Variants in ANPEP observed in about 807,000 individuals in gnomAD.
ANPEP encodes the protein aminopeptidase N.
Under a neutral mutation model 114.6 loss-of-function variants are expected in ANPEP, and 70 were observed. That is an observed-to-expected ratio of 0.61 (90% CI 0.50 to 0.75). The LOEUF (loss-of-function observed/expected upper bound fraction) is 0.75. Ranked by LOEUF, ANPEP falls within the 30% of genes least tolerant of loss-of-function variation. The pLI is 0.00. For synonymous variants in ANPEP, 548 were observed against 522.3 expected (o/e 1.05, Z -0.67); for missense variants, 1,184 against 1,259.5 (o/e 0.94, Z 0.91).
In ANPEP at chr15:89,791,916, G is replaced by T. The variant is rs779023534; in HGVS notation, c.2528+244C>A. On this transcript the variant is annotated intron_variant, in intron 18 of 20. Coordinates refer to ENST00000300060, the MANE Select transcript of ANPEP (RefSeq NM_001150.3). ...TTGACAGAAGGGAAGACGAGTTGTT[G>T]TCAGGTAAAGGCTAAGAGGCCACAG... Among the ~76,000 whole-genome samples, 62 of 152,172 alleles carry T rather than the reference G, an allele frequency of 4.1e-4. 1 individual carries two copies. Among genetic ancestry groups the T allele is most frequent in the Non-Finnish European group, 8.8e-5 (6 of 68,022 alleles).
At chr15:89,814,430 G>A (rs1177876386) in intron 1 of ANPEP, among the ~76,000 whole-genome samples, 5 of 152,106 alleles carry the variant, frequency 3.3e-5, no homozygotes, top group African/African-American at 1.2e-4. Flanking sequence ...TCCACCCGCC[G>A]CAGCTTAGCT....
At chr15:89,804,052 A>C in intron 6 of ANPEP, 50 bp from the exon 7 acceptor site, 2 of 1,597,146 alleles carry the variant, frequency 1.3e-6, no homozygotes, top group East Asian at 2.2e-5. Flanking sequence ...CTGGGCACTG[A>C]GAATCCCCAG....
chr15:89,805,033 G>C, intron 4 of ANPEP, 45 bp downstream of exon 4: 1 of 1,612,174 alleles, frequency 6.2e-7, no homozygotes, highest in Non-Finnish European at 8.5e-7. Flanking sequence ...GACCCCTCAA[G>C]CCGGGGCCAG....
chr15:89,809,836 GTCC>G (rs900671098), intron 1 of ANPEP, among the ~76,000 whole-genome samples: 9 of 152,322 alleles, frequency 5.9e-5, no homozygotes, highest in African/African-American at 1.9e-4. Context: ...CCTCTGGCCT[GTCC>G]TCTTTCTACT....
At chr15:89,804,902 T>G (rs1894677195) in intron 4 of ANPEP, 176 bp downstream of exon 4, 7 of 988,260 alleles carry the variant, frequency 7.1e-6, no homozygotes, top group Non-Finnish European at 8.9e-6. Flanking sequence ...ATTGTTTTCA[T>G]TTTTCAGGTG....
At position 89,800,556 on chromosome 15, in the gene ANPEP, CTTTTTT is replaced by C. The variant is rs759889538; in HGVS notation, c.1819+549_1819+554del. 1.9e-4 allele frequency among the ~76,000 whole-genome samples: 24 copies of C among 124,364 alleles called. 1 individual carries two copies. The highest frequency in any genetic ancestry group is 1.3e-3 in the Admixed American group (16 of 12,200). The allele number at this position is 124,364 out of a possible 152,430, so 81.6% of individuals were successfully genotyped here. The stretch of plus-strand genomic sequence containing the variant: ...TTAAGCATTTTATGTGGATTCTCTC[CTTTTTT>C]TTTTTTTTTTTTTTTTGAGACAGAG... On this transcript the variant is annotated intron_variant, in intron 12 of 20. Coordinates refer to ENST00000300060, the MANE Select transcript of ANPEP (RefSeq NM_001150.3).
chr15:89,800,898 C>T (rs963172542), intron 12 of ANPEP, among the ~76,000 whole-genome samples: 2 of 152,166 alleles, frequency 1.3e-5, no homozygotes, highest in African/African-American at 2.4e-5. Flanking sequence ...GAGTATTGCT[C>T]TTAGCCTCAT....
rs145940069 is a variant in ANPEP, at chr15:89,801,553, G to A, written c.1624C>T (p.Arg542Cys). 217 of 1,614,152 alleles carry A rather than the reference G, an allele frequency of 1.3e-4. No homozygotes were observed. The highest frequency in any genetic ancestry group is 6.8e-4 in the African/African-American group (51 of 75,036). Residue 542 changes from arginine to cysteine, a missense_variant, in exon 11 of 21, where the codon CGC becomes TGC. Arg to Cys is a radical substitution (Grantham distance 180, BLOSUM62 -3). Coordinates refer to ENST00000300060, the MANE Select transcript of ANPEP (RefSeq NM_001150.3). ...GGGAAGCCCATCTGCAGGGTCCAGC[G>A]GTTCATGATGTCCCGCACGGTGGTG... ...LPTTVRDIMN[R>C]WTLQMGFPVI...
Position 89,804,348 on chromosome 15 carries a change from AGGTC to A in ANPEP, c.1080_1083del (p.Tyr362GlyfsTer23). 6.2e-7 allele frequency: 1 copy of A among 1,614,172 alleles called. No individual in the cohort carries two copies. The highest frequency in any genetic ancestry group is 8.5e-7 in the Non-Finnish European group (1 of 1,180,024). On this transcript the variant is annotated frameshift_variant, in exon 6 of 21. Transcript: ENST00000300060. LOFTEE classifies it high-confidence loss of function. ...TCGAACAGCAGGGAGTTCTCCCGGTAGGTCACCAGTCCCCAGTTCTCCATGGCGC... is the reference window on the plus strand; with the variant it reads ...TCGAACAGCAGGGAGTTCTCCCGGTAACCAGTCCCCAGTTCTCCATGGCGC...
In ANPEP at chr15:89,806,934, T is replaced by C. The variant is rs940290953; in HGVS notation, c.-223-128A>G. 4.9e-5 allele frequency: 13 copies of C among 266,212 alleles called. No individual in the cohort carries two copies. Among genetic ancestry groups the C allele is most frequent in the African/African-American group, 2.6e-4 (12 of 46,174 alleles). The allele number at this position is 266,212 out of a possible 1,614,324, so 16.5% of individuals were successfully genotyped here. A position where few individuals can be genotyped will look rare whatever the true frequency, so the allele number is the denominator to read the frequency against. On this transcript the variant is annotated intron_variant, in intron 1 of 20. Transcript: ENST00000300060. This position sits in a 1 kb window ranked among gnomAD's most constrained non-coding sequence, Gnocchi z 5.7. ...AAGCGGCCAGGTGGCATTGCATTGA[T>C]CTGCTTGAGAGCTGAGAGGGTGGGA... is the stretch of plus-strand genomic sequence containing the variant.
At chr15:89,805,943 C>A (rs764435019) in intron 2 of ANPEP, 27 bp downstream of exon 2, 1 of 1,564,948 alleles carries the variant, frequency 6.4e-7, no homozygotes. Flanking sequence ...CGGATCCACC[C>A]CACCGGGCAG....
Position 89,792,566 on chromosome 15 carries a change from C to A in ANPEP, c.2250-4G>T. ...GATGGCATTAACCTCGCTGTACCTG[C>A]CCCAGGGGTGACACGCGGTTAGCAC... On this transcript the variant is annotated splice_region_variant and splice_polypyrimidine_tract_variant and intron_variant, in intron 16 of 20. Coordinates refer to ENST00000300060, the MANE Select transcript of ANPEP (RefSeq NM_001150.3). 6.2e-7 allele frequency: 1 copy of A among 1,613,314 alleles called. No individual in the cohort carries two copies. Among genetic ancestry groups the A allele is most frequent in the Non-Finnish European group, 8.5e-7 (1 of 1,179,278 alleles).
intron 20 of ANPEP, among the ~76,000 whole-genome samples, chr15:89,789,488 T>G (rs1253931260): frequency 6.6e-6 from 1 of 152,000 alleles, no homozygotes; most frequent in Non-Finnish European, 1.5e-5. Flanking sequence ...AGAATCCCTT[T>G]ATTGCTGGGC....
Position 89,804,240 on chromosome 15 carries a change from GA to G in ANPEP, c.1179+12del. 1 of 1,614,058 alleles carries G rather than the reference GA, an allele frequency of 6.2e-7. No homozygotes were observed. The highest frequency in any genetic ancestry group is 8.5e-7 in the Non-Finnish European group (1 of 1,179,930). On this transcript the variant is annotated intron_variant, in intron 6 of 20. Coordinates refer to ENST00000300060, the MANE Select transcript of ANPEP (RefSeq NM_001150.3). ...CTGTTTCCTTCTCCGCACTCCCCGA[GA>G]TGGGGGTCTACCTGGTGGGCCAGCT...
At position 89,806,229 on chromosome 15, in the gene ANPEP, C is replaced by T. The variant is rs370969705; in HGVS notation, c.355G>A (p.Val119Ile). The stretch of plus-strand genomic sequence containing the variant: ...AGCTTCTTGCTGTGGATGATGATGA[C>T]GTCAGTGGCCTCCTTGCAGGTGAAA... ...VRFTCKEATDVIIIHSKKLNY... is the reference protein window; with the variant it reads ...VRFTCKEATDIIIIHSKKLNY... The change falls in exon 2 of 21, where the codon GTC (valine) becomes ATC (isoleucine). Residue 119 changes from valine (V) to isoleucine (I), a missense_variant. Transcript: ENST00000300060. The surrounding 1 kb of genome is among the most constrained non-coding windows in gnomAD (Gnocchi z 5.7). 27 of 1,613,998 alleles carry T rather than the reference C, an allele frequency of 1.7e-5. No individual in the cohort carries two copies. The highest frequency in any genetic ancestry group is 1.6e-4 in the Middle Eastern group (1 of 6,084).
At chr15:89,811,865 C>T (rs1197651091) in intron 1 of ANPEP, among the ~76,000 whole-genome samples, 1 of 152,052 alleles carries the variant, frequency 6.6e-6, no homozygotes, top group Non-Finnish European at 1.5e-5. Flanking sequence ...GGGTAGAAGC[C>T]GAGCTCTCAA....
At position 89,799,908 on chromosome 15, in the gene ANPEP, CA is replaced by C. The variant is rs1480313351; in HGVS notation, c.1820-350del. ...ACACCTGTCACCCAAGTGGGAACCA[CA>C]GGCAGCTCCTCCTCTCCCTTCCCCT... On this transcript the variant is annotated intron_variant, in intron 12 of 20. Transcript: ENST00000300060. This position sits in a 1 kb window ranked among gnomAD's most constrained non-coding sequence, Gnocchi z 4.2. 6.6e-6 allele frequency among the ~76,000 whole-genome samples: 1 copy of C among 152,226 alleles called. No homozygotes were observed. Among genetic ancestry groups the C allele is most frequent in the East Asian group, 1.9e-4 (1 of 5,188 alleles).
intron 14 of ANPEP, among the ~76,000 whole-genome samples, chr15:89,798,616 G>A (rs1968773756): frequency 6.6e-6 from 1 of 150,690 alleles, no homozygotes; most frequent in African/African-American, 2.4e-5. Flanking sequence ...CAGCCCGGGT[G>A]ACAGAGCAAG....
intron 15 of ANPEP, among the ~76,000 whole-genome samples, chr15:89,793,345 C>CT (rs1276968202): frequency 6.6e-6 from 1 of 152,070 alleles, no homozygotes; most frequent in Non-Finnish European, 1.5e-5. Flanking sequence ...TTGCAATATT[C>CT]TTTGTCTACG....
Sources: gnomAD v4.1 joint callset for allele counts (sites outside exome capture counted in the v4.1 genomes callset) on GRCh38, gnomAD v4.1.1 for gene constraint, Gnocchi (gnomAD v3.1) non-coding constraint, MANE v1.5 for transcripts, NCBI Gene and HGNC (gene_info 2026-07-23, HGNC 2026-07-21) for gene names.